GDAP1: variants seen among roughly 807,000 people sequenced by gnomAD.
GDAP1 encodes the protein ganglioside induced differentiation associated protein 1.
GDAP1 carries 34 observed loss-of-function variants against 40.1 expected under a neutral mutation model. That is an observed-to-expected ratio of 0.85 (90% CI 0.64 to 1.13). GDAP1 has a LOEUF of 1.13. GDAP1 is among the 50% of genes most tolerant of loss of function. The probability of loss-of-function intolerance (pLI) is 0.00; values close to 1 mark genes in which losing one functional copy is unlikely to be tolerated. For synonymous variants in GDAP1, 170 were observed against 157.4 expected (o/e 1.08, Z -0.60); for missense variants, 374 against 433.7 (o/e 0.86, Z 1.22).
intron 2 of GDAP1, among the ~76,000 whole-genome samples, chr8:74,411,965 T>C (rs1805714947): frequency 6.7e-6 from 1 of 150,066 alleles, no homozygotes; most frequent in African/African-American, 2.5e-5. Context: ...GGAATACCAC[T>C]TTTTCATTCC....
At chr8:74,402,847 ATT>A (rs1304229830) in intron 2 of GDAP1, among the ~76,000 whole-genome samples, 2 of 150,436 alleles carry the variant, frequency 1.3e-5, no homozygotes, top group African/African-American at 5.0e-5. Flanking sequence ...TCATAAAATT[ATT>A]TGTCAAGATA....
At chr8:74,396,504 C>T (rs1232587233) in intron 2 of GDAP1, among the ~76,000 whole-genome samples, 1 of 151,918 alleles carries the variant, frequency 6.6e-6, no homozygotes, top group Non-Finnish European at 1.5e-5. Flanking sequence ...ATCCTTCCCC[C>T]ATCCCCCCAC....
At chr8:74,387,184 C>A (rs902403327) in intron 2 of GDAP1, among the ~76,000 whole-genome samples, 1 of 152,180 alleles carries the variant, frequency 6.6e-6, no homozygotes, top group Non-Finnish European at 1.5e-5. Context: ...CTTTCTCTTG[C>A]CTAATTGGCC....
chr8:74,405,357 T>C (rs1301410008), intron 2 of GDAP1, among the ~76,000 whole-genome samples: 2 of 150,292 alleles, frequency 1.3e-5, no homozygotes, highest in African/African-American at 2.5e-5. Flanking sequence ...CATATCATTA[T>C]GTAAATAGTT....
At chr8:74,385,107 G>A (rs7813767) in intron 2 of GDAP1, among the ~76,000 whole-genome samples, 80,104 of 151,896 alleles carry the variant, frequency 0.53, 21,705 homozygotes, top group African/African-American at 0.67. Context: ...CATCTTCTGC[G>A]GTAGGAATTA....
chr8:74,472,673 T>C (rs1806572476), intron 2 of GDAP1, among the ~76,000 whole-genome samples: 1 of 151,482 alleles, frequency 6.6e-6, no homozygotes, highest in Non-Finnish European at 1.5e-5. Flanking sequence ...TTGATTTGCA[T>C]TTCTCTAATG....
chr8:74,384,825 CT>C (rs1390634248), intron 2 of GDAP1, among the ~76,000 whole-genome samples: 26 of 152,162 alleles, frequency 1.7e-4, no homozygotes, highest in African/African-American at 5.5e-4. Flanking sequence ...GTAAAATCCA[CT>C]CTATATTTTG....
At chr8:74,356,456 A>T (rs775532468) in intron 2 of GDAP1, among the ~76,000 whole-genome samples, 1 of 152,114 alleles carries the variant, frequency 6.6e-6, no homozygotes, top group Non-Finnish European at 1.5e-5. Flanking sequence ...TTTATTGACA[A>T]TAATGCTATA....
chr8:74,365,746 A>G lies in GDAP1; in HGVS notation c.*1379A>G. On this transcript the variant is annotated 3_prime_UTR_variant, in exon 6 of 6. Coordinates refer to ENST00000220822, the MANE Select transcript of GDAP1 (RefSeq NM_018972.4). ...ATGCTGTAATTCCATTTCATGACCT[A>G]GTTGTATTAGAAAACCTTGATGAAC... is the stretch of plus-strand genomic sequence containing the variant. 2.2e-6 allele frequency: 1 copy of G among 454,528 alleles called. No homozygotes were observed. 28.2% of individuals were successfully genotyped at this position (454,528 alleles called of 1,614,324 possible).
At chr8:74,368,810 A>G (rs1031409646), downstream of GDAP1, among the ~76,000 whole-genome samples, 9 of 152,172 alleles carry the variant, frequency 5.9e-5, no homozygotes, top group African/African-American at 2.2e-4. Flanking sequence ...GTGTGGAGCT[A>G]TCCTGTGTGT....
downstream of GDAP1, among the ~76,000 whole-genome samples, chr8:74,371,421 G>A (rs1809747130): frequency 3.9e-5 from 6 of 152,216 alleles, 1 homozygote; most frequent in Admixed American, 3.9e-4. Flanking sequence ...AGCACTTTGG[G>A]AGGCCGAGGC....
intron 2 of GDAP1, among the ~76,000 whole-genome samples, chr8:74,422,328 T>C (rs866461544): frequency 0.074 from 5,023 of 68,230 alleles, 174 homozygotes; most frequent in East Asian, 0.12. Flanking sequence ...TTTCTTTCTT[T>C]CTTTCTTTCT....
chr8:74,368,809 T>G (rs1809701449), downstream of GDAP1, among the ~76,000 whole-genome samples: 1 of 152,240 alleles, frequency 6.6e-6, no homozygotes, highest in Admixed American at 6.5e-5. Context: ...TGTGTGGAGC[T>G]ATCCTGTGTG....
chr8:74,474,794 G>A (rs1280321858), intron 2 of GDAP1, among the ~76,000 whole-genome samples: 1 of 152,172 alleles, frequency 6.6e-6, no homozygotes, highest in Admixed American at 6.5e-5. Context: ...GTAGCAGAAT[G>A]ATGATGGCCT....
chr8:74,420,336 A>G (rs13248742), intron 2 of GDAP1, among the ~76,000 whole-genome samples: 34 of 152,298 alleles, frequency 2.2e-4, no homozygotes, highest in South Asian at 8.3e-4. Context: ...TGTAATTTAT[A>G]GACCCAGGTT....
chr8:74,418,820 T>A (rs571008757), intron 2 of GDAP1, among the ~76,000 whole-genome samples: 1 of 151,632 alleles, frequency 6.6e-6, no homozygotes, highest in Non-Finnish European at 1.5e-5. Flanking sequence ...TATAAACAAC[T>A]ATCAAATGCA....
intron 2 of GDAP1, among the ~76,000 whole-genome samples, chr8:74,379,361 T>C (rs1162688129): frequency 3.3e-5 from 5 of 152,118 alleles, no homozygotes; most frequent in Non-Finnish European, 7.4e-5. Context: ...GTTTCAGAGA[T>C]GAGTGTTGGC....
At chr8:74,444,007 TATCTATCTATCTATCTATC>T (rs765488705) in intron 2 of GDAP1, among the ~76,000 whole-genome samples, 1,447 of 144,164 alleles carry the variant, frequency 0.01, 39 homozygotes, top group Admixed American at 0.064. Flanking sequence ...TCTATCTATC[TATCTATCTATCTATCTATC>T]ATCTATCATC....
chr8:74,435,248 C>T (rs1371796574), intron 2 of GDAP1, among the ~76,000 whole-genome samples: 1 of 152,102 alleles, frequency 6.6e-6, no homozygotes, highest in Non-Finnish European at 1.5e-5. Flanking sequence ...GGAGCTTACA[C>T]CTTAAAGCAG....
Sources: allele counts gnomAD v4.1 joint callset (sites outside exome capture counted in the v4.1 genomes callset), GRCh38; gene constraint gnomAD v4.1.1; transcripts MANE v1.5; gene names NCBI Gene and HGNC (gene_info 2026-07-23, HGNC 2026-07-21).